The following CHRNB4 variants were observed in gnomAD, a reference collection of about 807,000 sequenced individuals.
The protein encoded by CHRNB4 is neuronal acetylcholine receptor subunit beta-4.
A neutral mutation model predicts 40.4 loss-of-function variants in CHRNB4; 23 were observed. The observed-to-expected ratio is 0.57, with a 90% CI of 0.41 to 0.81. The LOEUF is 0.81. Ranked by LOEUF, CHRNB4 falls within the 30% of genes least tolerant of loss-of-function variation. The pLI is 0.00. For synonymous variants in CHRNB4, 285 were observed against 274.4 expected, an observed-to-expected ratio of 1.04 and a Z score of -0.38; for missense variants, 568 against 670.6, an observed-to-expected ratio of 0.85 and a Z score of 1.69.
Position 78,625,078 on chromosome 15 carries a change from AGCAAAGTGCCCACCCG to A in CHRNB4, c.*39_*54del. ...CATCAGCCACAACCCAGAAAGAAGCAGCAAAGTGCCCACCCGGCCACTCACATCCTCTCACCCCACA... is the reference window on the plus strand; with the variant it reads ...CATCAGCCACAACCCAGAAAGAAGCAGCCACTCACATCCTCTCACCCCACA... On this transcript the variant is annotated 3_prime_UTR_variant, in exon 6 of 6. Transcript: ENST00000261751. The A allele has an allele frequency of 6.2e-7, 1 of 1,612,408 alleles. No individual in the cohort carries two copies. Among genetic ancestry groups the A allele is most frequent in the Non-Finnish European group, 8.5e-7 (1 of 1,179,806 alleles).
chr15:78,651,344 G>A (rs1347110877), intron 6 of CHRNB4, among the ~76,000 whole-genome samples: 1 of 152,184 alleles, frequency 6.6e-6, no homozygotes, highest in Admixed American at 6.5e-5. Flanking sequence ...CAGATGTAGT[G>A]GTGCTGGCAA....
At chr15:78,640,800 C>A (rs1271549264) in intron 1 of CHRNB4, among the ~76,000 whole-genome samples, 1 of 152,224 alleles carries the variant, frequency 6.6e-6, no homozygotes, top group Non-Finnish European at 1.5e-5. Context: ...AGCCCACTGC[C>A]CAGCCCACAG....
intron 2 of CHRNB4, among the ~76,000 whole-genome samples, chr15:78,632,153 CT>C (rs1555422116): frequency 1.8e-5 from 2 of 108,420 alleles, no homozygotes; most frequent in African/African-American, 9.0e-5. Context: ...TTCTTTCTGT[CT>C]TTCTTTTCTT....
rs1245620516 is a variant in CHRNB4 at position 78,635,511 on chromosome 15, G to A, written c.132C>T (p.Ile44=). ...LLNKTRYNNL[I]RPATSSSQLI... is the part of the protein sequence containing the mutation. ...GCTGTGAGGAGCTGGTGGCTGGGCGGATCAGGTTATTGTAACGGGTTTTGT... is the reference window on the plus strand; with the variant it reads ...GCTGTGAGGAGCTGGTGGCTGGGCGAATCAGGTTATTGTAACGGGTTTTGT... The change falls in exon 2 of 6, where the codon ATC becomes ATT. Residue 44 remains isoleucine, a synonymous_variant. Transcript: ENST00000261751. 1 of 1,614,176 alleles carries A rather than the reference G, an allele frequency of 6.2e-7. No homozygotes were observed. The highest frequency in any genetic ancestry group is 1.1e-5 in the South Asian group (1 of 91,074).
intron 2 of CHRNB4, among the ~76,000 whole-genome samples, chr15:78,632,205 CTT>C (rs1246674667): frequency 5.9e-5 from 5 of 84,510 alleles, no homozygotes; most frequent in African/African-American, 4.3e-4. Flanking sequence ...TTCTTTCTTT[CTT>C]TCTTTCTCTT....
chr15:78,631,713 T>G (rs2053815925), intron 2 of CHRNB4, among the ~76,000 whole-genome samples: 1 of 152,206 alleles, frequency 6.6e-6, no homozygotes, highest in Non-Finnish European at 1.5e-5. Context: ...TCACTTAGAC[T>G]ACCGCAGGAG....
upstream of CHRNB4, among the ~76,000 whole-genome samples, chr15:78,641,985 T>C (rs1237918606): frequency 6.6e-6 from 1 of 152,172 alleles, no homozygotes; most frequent in East Asian, 1.9e-4. Context: ...TCTGGCAGCT[T>C]CTCCAACTCT....
Position 78,629,102 on chromosome 15 carries a change from G to A in CHRNB4, c.1203C>T (p.Ala401=), listed in dbSNP as rs71653607. The change falls in exon 5 of 6, where the codon GCC becomes GCT. Residue 401 remains alanine (A), a synonymous_variant. Transcript: ENST00000261751. The surrounding 1 kb of genome is among the most constrained non-coding windows in gnomAD (Gnocchi z 6.8). The part of the protein sequence containing the change: ...NPASAASKSP[A]GSTPVAIPRD... ...TGGGGATAGCCACCGGGGTAGAGCC[G>A]GCTGGAGACTTGGAAGCTGCAGAGG... is the stretch of plus-strand genomic sequence containing the variant. 1.1e-4 allele frequency: 179 copies of A among 1,614,054 alleles called. No homozygotes were observed. Among genetic ancestry groups the A allele is most frequent in the Middle Eastern group, 1.6e-4 (1 of 6,084 alleles).
Position 78,624,945 on chromosome 15 carries a change from T to G in CHRNB4, c.*188A>C. 6.6e-7 allele frequency: 1 copy of G among 1,513,902 alleles called. No individual in the cohort carries two copies. The highest frequency in any genetic ancestry group is 2.4e-5 in the East Asian group (1 of 40,884). 93.8% of individuals were successfully genotyped at this position (1,513,902 alleles called of 1,614,324 possible). A position where few individuals can be genotyped will look rare whatever the true frequency, so the allele number is the denominator to read the frequency against. ...TCCTACTGGGGCTTCCTGGGATCCC[T>G]CCAAGGCATTCAGAGAGGACAGCCC... On this transcript the variant is annotated 3_prime_UTR_variant, in exon 6 of 6. Transcript: ENST00000261751.
At chr15:78,634,658 T>C in intron 2 of CHRNB4, 1 of 454,156 alleles carries the variant, frequency 2.2e-6, no homozygotes, top group South Asian at 1.6e-5. Flanking sequence ...GGTGGTCTCT[T>C]TCCCCTGGCT....
upstream of CHRNB4, among the ~76,000 whole-genome samples, chr15:78,645,589 CT>C (rs77120673): frequency 0.011 from 1,691 of 152,182 alleles, 218 homozygotes; most frequent in East Asian, 0.29. Flanking sequence ...CCCCAGTTAC[CT>C]TTTGTGGCAA....
chr15:78,638,590 C>T (rs554605373), intron 1 of CHRNB4, among the ~76,000 whole-genome samples: 6 of 150,798 alleles, frequency 4.0e-5, no homozygotes, highest in Admixed American at 2.0e-4. Flanking sequence ...CCCATGACTG[C>T]GCCTGTGTTT....
At chr15:78,641,307 T>G, upstream of CHRNB4, 1 of 537,950 alleles carries the variant, frequency 1.9e-6, no homozygotes, top group Non-Finnish European at 3.1e-6. Flanking sequence ...AGGGATGTAC[T>G]GGGCCCGCTG....
At chr15:78,660,992 C>T (rs1209317951), upstream of CHRNB4, 2 of 478,414 alleles carry the variant, frequency 4.2e-6, no homozygotes, top group African/African-American at 5.1e-5. Flanking sequence ...TCTTTCCTCT[C>T]TTTCTCTCTT....
intron 2 of CHRNB4, among the ~76,000 whole-genome samples, chr15:78,633,342 T>C (rs1478394305): frequency 1.3e-5 from 2 of 152,218 alleles, no homozygotes; most frequent in Non-Finnish European, 2.9e-5. Context: ...ACTTTAGACA[T>C]ATATGGCAGT....
At chr15:78,652,389 G>C (rs1183507622) in intron 6 of CHRNB4, among the ~76,000 whole-genome samples, 1 of 152,242 alleles carries the variant, frequency 6.6e-6, no homozygotes, top group Non-Finnish European at 1.5e-5. Flanking sequence ...AGTAGCATTG[G>C]TGGCTCTGCC....
At chr15:78,645,965 C>T (rs891151477), upstream of CHRNB4, among the ~76,000 whole-genome samples, 9 of 150,342 alleles carry the variant, frequency 6.0e-5, no homozygotes, top group Non-Finnish European at 1.3e-4. Flanking sequence ...GAGGCTGAGG[C>T]AGGAGAATCA....
rs2053732215 is a variant in CHRNB4, at chr15:78,629,150, G to A, written c.1155C>T (p.Asn385=). 1.2e-6 allele frequency: 2 copies of A among 1,614,154 alleles called. No individual in the cohort carries two copies. Among genetic ancestry groups the A allele is most frequent in the Non-Finnish European group, 8.5e-7 (1 of 1,179,992 alleles). ...AGGCGGGGTTCACAAAGTACATGGAGTTCCCATAGAAGTTGGAGGGGCTGG... is the reference window on the plus strand; with the variant it reads ...AGGCGGGGTTCACAAAGTACATGGAATTCCCATAGAAGTTGGAGGGGCTGG... ...TSTSPSNFYG[N]SMYFVNPASA... Residue 385 remains asparagine (N), a synonymous_variant, in exon 5 of 6, where the codon AAC becomes AAT. Transcript: ENST00000261751. This position sits in a 1 kb window ranked among gnomAD's most constrained non-coding sequence, Gnocchi z 6.8.
Position 78,629,233 on chromosome 15 carries a change from T to C in CHRNB4, c.1072A>G (p.Arg358Gly), listed in dbSNP as rs1450046688. ...KRPGPDSSPA[R>G]AFPPSKSCVT... ...CATGACTTGCTGGGCGGGAAGGCTC[T>C]GGCCGGGCTGCTGTCGGGGCCAGGG... Residue 358 changes from arginine to glycine, a missense_variant, in exon 5 of 6, where the codon AGA becomes GGA. Arg to Gly is a moderately radical substitution (Grantham distance 125, BLOSUM62 -2). Transcript: ENST00000261751. This position sits in a 1 kb window ranked among gnomAD's most constrained non-coding sequence, Gnocchi z 6.8. 6.2e-7 allele frequency: 1 copy of C among 1,613,520 alleles called. No individual in the cohort carries two copies. Among genetic ancestry groups the C allele is most frequent in the Non-Finnish European group, 8.5e-7 (1 of 1,179,608 alleles).
Sources: gnomAD v4.1 joint callset for allele counts (sites outside exome capture counted in the v4.1 genomes callset) on GRCh38, gnomAD v4.1.1 for gene constraint, Gnocchi (gnomAD v3.1) non-coding constraint, MANE v1.5 for transcripts, NCBI Gene and HGNC (gene_info 2026-07-23, HGNC 2026-07-21) for gene names.